The following GCNT2 variants were observed in gnomAD, a reference collection of about 807,000 sequenced individuals.
GCNT2 encodes glucosaminyl (N-acetyl) transferase 2 (I blood group), also known as N-acetyllactosaminide beta-1,6-N-acetylglucosaminyl-transferase.
GCNT2 carries 34 observed loss-of-function variants against 34.2 expected under a neutral mutation model. That is an observed-to-expected ratio of 1.00 (90% CI 0.76 to 1.32). The LOEUF (loss-of-function observed/expected upper bound fraction) is 1.32, where lower values mean the gene tolerates loss of function less well. Ranked by LOEUF, GCNT2 falls within the 40% of genes most tolerant of loss-of-function variation. GCNT2 has a pLI of 0.00. For synonymous variants in GCNT2, 212 were observed against 188.0 expected (o/e 1.13, Z -1.04); for missense variants, 584 against 489.4 (o/e 1.19, Z -1.82).
chr6:10,564,430 C>G (rs577798916), intron 3 of GCNT2, among the ~76,000 whole-genome samples: 2 of 152,346 alleles, frequency 1.3e-5, no homozygotes, highest in African/African-American at 4.8e-5. Flanking sequence ...CTACCCTCAT[C>G]CCTGCTGATC....
chr6:10,565,106 C>T (rs1016077117), intron 3 of GCNT2, among the ~76,000 whole-genome samples: 6 of 152,150 alleles, frequency 3.9e-5, no homozygotes, highest in Admixed American at 1.3e-4. Context: ...GAATAGGGAT[C>T]GCAAAGGTCG....
intron 3 of GCNT2, among the ~76,000 whole-genome samples, chr6:10,615,903 C>T (rs958719425): frequency 3.3e-5 from 5 of 152,092 alleles, no homozygotes; most frequent in African/African-American, 7.2e-5. Flanking sequence ...GGGTTTTGGG[C>T]GGCTCCTTTA....
chr6:10,588,714 T>C (rs1448064715), intron 3 of GCNT2, among the ~76,000 whole-genome samples: 26 of 151,968 alleles, frequency 1.7e-4, no homozygotes, highest in Admixed American at 1.7e-3. Context: ...AGCAGGGATA[T>C]GGTGTGTGTG....
intron 3 of GCNT2, among the ~76,000 whole-genome samples, chr6:10,536,643 C>A (rs1024134722): frequency 6.6e-6 from 1 of 151,438 alleles, no homozygotes; most frequent in African/African-American, 2.4e-5. Flanking sequence ...CGTGAGCTAC[C>A]GTGCCCGGTC....
At chr6:10,551,603 CCTGA>C (rs932097119) in intron 3 of GCNT2, among the ~76,000 whole-genome samples, 17 of 151,888 alleles carry the variant, frequency 1.1e-4, no homozygotes, top group African/African-American at 3.4e-4. Context: ...CACCACCATG[CCTGA>C]CTAACTTTTG....
At chr6:10,547,895 TTTAC>T (rs1762334892) in intron 3 of GCNT2, among the ~76,000 whole-genome samples, 2 of 152,248 alleles carry the variant, frequency 1.3e-5, no homozygotes, top group African/African-American at 4.8e-5. Context: ...CATTATTCTT[TTTAC>T]TTACTTTACT....
At chr6:10,557,411 C>T (rs949215290) in intron 3 of GCNT2, 46 of 1,194,090 alleles carry the variant, frequency 3.9e-5, no homozygotes, top group Non-Finnish European at 5.0e-5. Flanking sequence ...AATAACCAGC[C>T]ACTTTTTATT....
At chr6:10,548,722 C>G (rs1463009667) in intron 3 of GCNT2, among the ~76,000 whole-genome samples, 2 of 151,538 alleles carry the variant, frequency 1.3e-5, no homozygotes, top group Non-Finnish European at 2.9e-5. Context: ...GTATTTCATT[C>G]ATTCTCATTG....
chr6:10,617,157 C>A (rs975237651), intron 3 of GCNT2, among the ~76,000 whole-genome samples: 4 of 152,102 alleles, frequency 2.6e-5, no homozygotes, highest in Admixed American at 2.0e-4. Context: ...CCATGGCGGT[C>A]GGGGGGAGGC....
chr6:10,593,574 T>C (rs918054791), intron 3 of GCNT2, among the ~76,000 whole-genome samples: 9 of 152,122 alleles, frequency 5.9e-5, no homozygotes, highest in African/African-American at 7.2e-5. Context: ...CAGGGCTCAA[T>C]TGATTCTCTC....
chr6:10,581,911 T>A, intron 3 of GCNT2: 1 of 973,920 alleles, frequency 1.0e-6, no homozygotes, highest in South Asian at 4.7e-5. Context: ...ATTGTTCCCT[T>A]CATACAGTCA....
rs377315317 is a variant in GCNT2 at position 10,602,666 on chromosome 6, C to T, written c.926-18685C>T. On this transcript the variant is annotated intron_variant, in intron 3 of 4. Transcript: ENST00000495262. ...ATAGGGGTTAAAATTAAACAAGAGT[C>T]GTAAGTGAGCATAATTTCTTACTTG... Among the ~76,000 whole-genome samples, 6 of 152,190 alleles carry T rather than the reference C, an allele frequency of 3.9e-5. No homozygotes were observed. The East Asian group carries it at 5.8e-4, about 15-fold the overall frequency.
At chr6:10,599,065 C>G (rs9466911) in intron 3 of GCNT2, among the ~76,000 whole-genome samples, 16,715 of 152,008 alleles carry the variant, frequency 0.11, 1,097 homozygotes, top group Middle Eastern at 0.17. Context: ...AAATGCAGTC[C>G]CCCAAAGTGC....
chr6:10,582,521 T>TAATATATCACATATAA lies in GCNT2; in HGVS notation c.926-38830_926-38829insAATATATCACATATAA, dbSNP rs1389501677. ...ATAATATAATACATCATATATTATA[T>TAATATATCACATATAA]TATACATCATATATTATATATCATG... On this transcript the variant is annotated intron_variant, in intron 3 of 4. Coordinates refer to ENST00000495262, the MANE Select transcript of GCNT2 (RefSeq NM_145649.5). Among the ~76,000 whole-genome samples, 6 of 122,312 alleles carry TAATATATCACATATAA rather than the reference T, an allele frequency of 4.9e-5. No individual in the cohort carries two copies. The East Asian group carries it at 1.2e-3, about 25-fold the overall frequency. 80.2% of individuals were successfully genotyped at this position (122,312 alleles called of 152,430 possible).
At chr6:10,616,369 C>T (rs908202802) in intron 3 of GCNT2, among the ~76,000 whole-genome samples, 2 of 152,162 alleles carry the variant, frequency 1.3e-5, no homozygotes, top group African/African-American at 4.8e-5. Flanking sequence ...AGCACTTCCA[C>T]AGTGTGGAAA....
chr6:10,603,817 CTTT>C (rs571206713), intron 3 of GCNT2, among the ~76,000 whole-genome samples: 16 of 114,706 alleles, frequency 1.4e-4, no homozygotes, highest in African/African-American at 2.6e-4. Context: ...GCCTGACAGT[CTTT>C]TTTTTTTTTT....
chr6:10,587,641 T>C lies in GCNT2; in HGVS notation c.926-33710T>C, dbSNP rs571473696. On this transcript the variant is annotated intron_variant, in intron 3 of 4. Transcript: ENST00000495262. The stretch of plus-strand genomic sequence containing the variant: ...TTGTTTTTATATACTGTGCAGTCTT[T>C]GGTTGTTTATGATAATTTGGGAAAG... Among the ~76,000 whole-genome samples, 140 of 152,334 alleles carry C rather than the reference T, an allele frequency of 9.2e-4. 1 individual carries two copies. The highest frequency in any genetic ancestry group is 3.3e-3 in the African/African-American group (136 of 41,576).
rs546656600 is a variant in GCNT2, at chr6:10,538,322, C to T, written c.925+8486C>T. 4.9e-3 allele frequency among the ~76,000 whole-genome samples: 702 copies of T among 142,512 alleles called. 12 individuals carry two copies. Among genetic ancestry groups the T allele is most frequent in the African/African-American group, 0.018 (669 of 37,984 alleles). 93.5% of individuals were successfully genotyped at this position (142,512 alleles called of 152,430 possible). A position where few individuals can be genotyped will look rare whatever the true frequency, so the allele number is the denominator to read the frequency against. On this transcript the variant is annotated intron_variant, in intron 3 of 4. Coordinates refer to ENST00000495262, the MANE Select transcript of GCNT2 (RefSeq NM_145649.5). ...ACTCGGGAGGCTGAGGCAGGAGAATCGCTTGAACCTGGGATGCAGAGGTTG... is the reference window on the plus strand; with the variant it reads ...ACTCGGGAGGCTGAGGCAGGAGAATTGCTTGAACCTGGGATGCAGAGGTTG...
At chr6:10,582,546 G>A (rs116258529) in intron 3 of GCNT2, among the ~76,000 whole-genome samples, 26,376 of 127,078 alleles carry the variant, frequency 0.21, 3,812 homozygotes, top group African/African-American at 0.4. Flanking sequence ...TATATATCAT[G>A]TATAATATAT....
Sources: gnomAD v4.1 joint callset for allele counts (sites outside exome capture counted in the v4.1 genomes callset) on GRCh38, gnomAD v4.1.1 for gene constraint, MANE v1.5 for transcripts, NCBI Gene and HGNC (gene_info 2026-07-23, HGNC 2026-07-21) for gene names.